The following SPG11 variants were observed in gnomAD, a reference collection of about 807,000 sequenced individuals.
SPG11 encodes spatacsin.
A neutral mutation model predicts 274.0 loss-of-function variants in SPG11; 222 were observed. The ratio of observed to expected loss-of-function variants is 0.81; its 90% CI spans 0.73 to 0.91. The LOEUF (loss-of-function observed/expected upper bound fraction) is 0.91, where lower values mean the gene tolerates loss of function less well. Ranked by LOEUF, SPG11 falls within the 40% of genes least tolerant of loss-of-function variation. SPG11 has a pLI of 0.00. For synonymous variants in SPG11, 1,144 were observed against 1,039.7 expected (o/e 1.10, Z -1.93); for missense variants, 3,114 against 2,872.7 (o/e 1.08, Z -1.92).
chr15:44,598,225 A>C (rs754551405), intron 23 of SPG11, 40 bp downstream of exon 23: 2 of 1,500,494 alleles, frequency 1.3e-6, no homozygotes, highest in East Asian at 2.3e-5. Flanking sequence ...TTGGCACAAT[A>C]AGCTTGTTAG....
chr15:44,621,635 A>C lies in SPG11; in HGVS notation c.2620+124T>G, dbSNP rs921532114. The C allele has an allele frequency of 8.2e-6, 8 of 972,320 alleles. No homozygotes were observed. The South Asian group carries it at 1.1e-4, about 14-fold the overall frequency. 60.2% of individuals were successfully genotyped at this position (972,320 alleles called of 1,614,324 possible). A position where few individuals can be genotyped will look rare whatever the true frequency, so the allele number is the denominator to read the frequency against. On this transcript the variant is annotated intron_variant, in intron 14 of 39. Transcript: ENST00000261866. ...ATCTTAATGCAACGACTTGCATTTT[A>C]AAGAACCTGAATATTATTTCCCGAA... is the stretch of plus-strand genomic sequence containing the variant.
intron 6 of SPG11, among the ~76,000 whole-genome samples, chr15:44,650,882 G>C (rs1352656558): frequency 1.3e-5 from 2 of 152,002 alleles, no homozygotes; most frequent in Non-Finnish European, 2.9e-5. Flanking sequence ...CATGTAGCTG[G>C]GACTACAGGT....
intron 22 of SPG11, 127 bp from the exon 23 acceptor site, chr15:44,598,500 G>C: frequency 2.4e-6 from 3 of 1,247,902 alleles, no homozygotes; most frequent in South Asian, 1.2e-5. Flanking sequence ...GTGAGACAAA[G>C]AACACACACT....
At chr15:44,571,473 CTATTTT>C (rs1309436400) in intron 33 of SPG11, among the ~76,000 whole-genome samples, 1 of 150,320 alleles carries the variant, frequency 6.7e-6, no homozygotes, top group Non-Finnish European at 1.5e-5. Context: ...ATAGAGAAGG[CTATTTT>C]TATTTAAATT....
chr15:44,651,948 A>T lies in SPG11; in HGVS notation c.1008-9T>A. On this transcript the variant is annotated splice_polypyrimidine_tract_variant and intron_variant, in intron 5 of 39. Coordinates refer to ENST00000261866, the MANE Select transcript of SPG11 (RefSeq NM_025137.4). ...GCTGGGCTTTCCAAGACCTGGAAAC[A>T]AGGTAAAATATAACTTAACACCTGT... 6.2e-7 allele frequency: 1 copy of T among 1,608,022 alleles called. No homozygotes were observed. Among genetic ancestry groups the T allele is most frequent in the Non-Finnish European group, 8.5e-7 (1 of 1,178,622 alleles).
At chr15:44,578,190 A>G (rs1047599945) in intron 30 of SPG11, among the ~76,000 whole-genome samples, 7 of 127,852 alleles carry the variant, frequency 5.5e-5, no homozygotes, top group Admixed American at 1.6e-4. Context: ...ACGCGTGGCT[A>G]TTTTTTTTTT....
intron 8 of SPG11, among the ~76,000 whole-genome samples, chr15:44,629,704 T>C (rs920251598): frequency 2.0e-5 from 3 of 152,220 alleles, no homozygotes; most frequent in African/African-American, 7.2e-5. Flanking sequence ...AGGTGTGTAT[T>C]ATATTCTCTT....
rs2141129671 is a variant in SPG11, at chr15:44,660,423, G to T, written c.442+9C>A. The T allele has an allele frequency of 1.9e-6, 3 of 1,611,644 alleles. No homozygotes were observed. Among genetic ancestry groups the T allele is most frequent in the Non-Finnish European group, 2.5e-6 (3 of 1,178,442 alleles). On this transcript the variant is annotated intron_variant, in intron 2 of 39. Transcript: ENST00000261866. ...TAAATATGCTGAAAGACCACCTGTA[G>T]ATACTTACTGATATCTTGATCGTCA...
rs1205482825 is a variant in SPG11, at chr15:44,631,803, C to CTTTTTTTTTTTTTTTTTT, written c.1735+1684_1735+1701dup. 3.0e-5 allele frequency among the ~76,000 whole-genome samples: 3 copies of CTTTTTTTTTTTTTTTTTT among 100,466 alleles called. 1 individual carries two copies. The highest frequency in any genetic ancestry group is 1.1e-4 in the African/African-American group (3 of 26,206). The allele number at this position is 100,466 out of a possible 152,430, so 65.9% of individuals were successfully genotyped here. ...TATAGGTGTGAGCCACTGCACCCAGCTTTTTTTTTTTTTTTTTTTTTTTGA... is the reference window on the plus strand; with the variant it reads ...TATAGGTGTGAGCCACTGCACCCAGCTTTTTTTTTTTTTTTTTTTTTTTTTTTTTTTTTTTTTTTTTGA... On this transcript the variant is annotated intron_variant, in intron 8 of 39. Coordinates refer to ENST00000261866, the MANE Select transcript of SPG11 (RefSeq NM_025137.4).
Position 44,633,524 on chromosome 15 carries a change from T to C in SPG11, c.1716A>G (p.Ser572=). Residue 572 remains serine (S), a synonymous_variant, in exon 8 of 40, where the codon TCA becomes TCG. Transcript: ENST00000261866. ...ACTTACTTCTTAAATATAAATGGGA[T>C]GACAAGTGATCAAACTGATCAGATA... ...SSVSDQFDHL[S]SHLYLRNVEE... 1 of 1,602,278 alleles carries C rather than the reference T, an allele frequency of 6.2e-7. No homozygotes were observed. The highest frequency in any genetic ancestry group is 8.5e-7 in the Non-Finnish European group (1 of 1,171,026).
Position 44,596,190 on chromosome 15 carries a change from C to T in SPG11, c.4327G>A (p.Glu1443Lys), listed in dbSNP as rs1338577311. Residue 1443 changes from glutamate to lysine, a missense_variant, in exon 25 of 40, where the codon GAA becomes AAA. By Grantham distance (56) the Glu-to-Lys change is moderately conservative (BLOSUM62 1). Transcript: ENST00000261866. The stretch of plus-strand genomic sequence containing the variant: ...TCCTCTGAGCATTGGAGCAGAATTT[C>T]AAATAAATCGGTCATCTCTTGTTTG... ...GSKQEMTDLF[E>K]ILLQCSEEPD... 2 of 1,614,168 alleles carry T rather than the reference C, an allele frequency of 1.2e-6. No individual in the cohort carries two copies. The highest frequency in any genetic ancestry group is 1.7e-6 in the Non-Finnish European group (2 of 1,180,026).
intron 1 of SPG11, among the ~76,000 whole-genome samples, chr15:44,663,137 G>A (rs971611632): frequency 6.6e-6 from 1 of 152,262 alleles, no homozygotes; most frequent in Non-Finnish European, 1.5e-5. Flanking sequence ...AGGTGGCAAT[G>A]GAGCTGGGTG....
In SPG11 at chr15:44,565,913, T is replaced by C; in HGVS notation, c.6940A>G (p.Ile2314Val). 1.2e-6 allele frequency: 2 copies of C among 1,612,200 alleles called. No individual in the cohort carries two copies. Among genetic ancestry groups the C allele is most frequent in the East Asian group, 2.2e-5 (1 of 44,860 alleles). Residue 2314 changes from isoleucine (I) to valine (V), a missense_variant, in exon 38 of 40, where the codon ATC becomes GTC. Physicochemically the swap from Ile to Val is conservative, Grantham distance 29. Transcript: ENST00000261866. The stretch of plus-strand genomic sequence containing the variant: ...ATCAGCTTGTGGCGGCCCAAGTTGA[T>C]GAGCATTGTGTTCTGGCCAGTGTTC... ...FLNTGQNTMLINLGRHKLMDC... is the reference protein window; with the variant it reads ...FLNTGQNTMLVNLGRHKLMDC...
intron 23 of SPG11, among the ~76,000 whole-genome samples, chr15:44,597,943 A>G (rs2083086430): frequency 6.6e-6 from 1 of 152,194 alleles, no homozygotes; most frequent in Middle Eastern, 3.2e-3. Context: ...ATCTGAACCC[A>G]CATCTTCTGG....
chr15:44,600,422 GT>G (rs1418497081), intron 21 of SPG11, 44 bp downstream of exon 21: 3 of 1,596,850 alleles, frequency 1.9e-6, no homozygotes, highest in East Asian at 4.5e-5. Flanking sequence ...GGGATTACAG[GT>G]GTGAACCACT....
intron 25 of SPG11, 43 bp from the exon 26 acceptor site, chr15:44,595,502 T>C (rs1377431400): frequency 3.8e-6 from 6 of 1,575,382 alleles, no homozygotes; most frequent in Non-Finnish European, 5.2e-6. Context: ...CTGGATTACC[T>C]GGCAAATGTA....
rs184298521 is a variant in SPG11, at chr15:44,577,088, A to G, written c.5867-2047T>C. On this transcript the variant is annotated intron_variant, in intron 30 of 39. Coordinates refer to ENST00000261866, the MANE Select transcript of SPG11 (RefSeq NM_025137.4). ...GGTGATCTGCCCACCTTGGCCTCCC[A>G]AAGTGCTGGGATTACAGGCATGAGC... 3.0e-3 allele frequency among the ~76,000 whole-genome samples: 463 copies of G among 152,280 alleles called. 1 individual carries two copies. The highest frequency in any genetic ancestry group is 5.2e-3 in the Admixed American group (79 of 15,296).
In SPG11 at chr15:44,570,626, A is replaced by G; in HGVS notation, c.6376T>C (p.Phe2126Leu). The G allele has an allele frequency of 6.2e-7, 1 of 1,614,092 alleles. No individual in the cohort carries two copies. The highest frequency in any genetic ancestry group is 1.1e-5 in the South Asian group (1 of 91,070). Residue 2126 changes from phenylalanine (F) to leucine (L), a missense_variant, in exon 34 of 40, where the codon TTC (phenylalanine) becomes CTC (leucine). Coordinates refer to ENST00000261866, the MANE Select transcript of SPG11 (RefSeq NM_025137.4). ...CCCTCCATGTGGCACGTCAGGGTGA[A>G]GCAATGATGGGCCAGGATCAGGAGC... ...TELLILAHHCFTLTCHMEGII... is the reference protein window; with the variant it reads ...TELLILAHHCLTLTCHMEGII...
intron 34 of SPG11, among the ~76,000 whole-genome samples, chr15:44,569,987 C>T (rs1366150625): frequency 3.9e-5 from 6 of 152,316 alleles, no homozygotes; most frequent in Middle Eastern, 3.4e-3. Flanking sequence ...GGATTACAGG[C>T]GTGAGCCACC....
Sources: allele counts gnomAD v4.1 joint callset (sites outside exome capture counted in the v4.1 genomes callset), GRCh38; gene constraint gnomAD v4.1.1; transcripts MANE v1.5; gene names NCBI Gene and HGNC (gene_info 2026-07-23, HGNC 2026-07-21).